POM121C: variants seen among roughly 807,000 people sequenced by gnomAD.
POM121C encodes nuclear envelope pore membrane protein POM 121C.
In POM121C, 20 loss-of-function variants were observed where a neutral mutation model predicts 66.4. The observed-to-expected ratio is 0.30, with a 90% confidence interval of 0.21 to 0.44. The LOEUF is 0.44. POM121C is among the 20% of genes least tolerant of loss of function. The probability of loss-of-function intolerance (pLI) is 1.00; values close to 1 mark genes in which losing one functional copy is unlikely to be tolerated. For synonymous variants in POM121C, 286 were observed against 528.0 expected, an observed-to-expected ratio of 0.54 and a Z score of 6.28; for missense variants, 580 against 1,225.7, an observed-to-expected ratio of 0.47 and a Z score of 7.87.
In POM121C at chr7:75,441,646, C is replaced by T. The variant is rs782801674; in HGVS notation, c.-150G>A. 2.0e-4 allele frequency: 313 copies of T among 1,550,494 alleles called. No individual in the cohort carries two copies. Among genetic ancestry groups the T allele is most frequent in the Non-Finnish European group, 2.5e-4 (292 of 1,145,546 alleles). ...AACCGATCTGGTAAAGTCCCACGAT[C>T]CCTGCAGAGAATGCGAGACAAATCA... On this transcript the variant is annotated splice_region_variant and 5_prime_UTR_variant, in exon 4 of 15. Transcript: ENST00000615331.
intron 3 of POM121C, among the ~76,000 whole-genome samples, chr7:75,473,953 G>A (rs1554479004): frequency 6.6e-6 from 1 of 152,138 alleles, no homozygotes; most frequent in African/African-American, 2.4e-5. Flanking sequence ...CTCCTAAAGT[G>A]CTGGGATTAC....
Position 75,439,334 on chromosome 7 carries a change from C to A in POM121C, c.228-110G>T, listed in dbSNP as rs1790539832. ...ATACTATCTCTATGGAGCACAGATT[C>A]CATGCTAGACCAGAAAATGGTTGTT... On this transcript the variant is annotated intron_variant, in intron 5 of 14. Coordinates refer to ENST00000615331, the MANE Select transcript of POM121C (RefSeq NM_001099415.3). 1.2e-5 allele frequency: 17 copies of A among 1,414,638 alleles called. No individual in the cohort carries two copies. In the South Asian group the frequency reaches 1.7e-4, roughly 14 times the overall value. The allele number at this position is 1,414,638 out of a possible 1,614,324, so 87.6% of individuals were successfully genotyped here. A position where few individuals can be genotyped will look rare whatever the true frequency, so the allele number is the denominator to read the frequency against.
chr7:75,485,807 C>A lies in POM121C; in HGVS notation c.-458+57G>T, dbSNP rs1162668649. 124 of 479,054 alleles carry A rather than the reference C, an allele frequency of 2.6e-4. 1 individual carries two copies. Among genetic ancestry groups the A allele is most frequent in the Non-Finnish European group, 4.5e-4 (109 of 241,976 alleles). The allele number at this position is 479,054 out of a possible 1,614,324, so 29.7% of individuals were successfully genotyped here. A position where few individuals can be genotyped will look rare whatever the true frequency, so the allele number is the denominator to read the frequency against. The stretch of plus-strand genomic sequence containing the variant: ...CTGCCCCACACTCAAAGGTCCCCAA[C>A]ACAAGGTGACTTCACCCAGGCCCTT... On this transcript the variant is annotated intron_variant, in intron 1 of 14. Transcript: ENST00000615331.
chr7:75,447,126 C>G (rs1554474787), intron 3 of POM121C, among the ~76,000 whole-genome samples: 2 of 145,860 alleles, frequency 1.4e-5, no homozygotes, highest in African/African-American at 5.0e-5. Flanking sequence ...AAAACACAGC[C>G]CATAATAACA....
chr7:75,470,794 G>A (rs1482191328), intron 3 of POM121C, among the ~76,000 whole-genome samples: 10 of 151,876 alleles, frequency 6.6e-5, no homozygotes, highest in Non-Finnish European at 1.3e-4. Flanking sequence ...CACCACTTCT[G>A]GCTAATTTTT....
intron 3 of POM121C, among the ~76,000 whole-genome samples, chr7:75,469,906 C>A (rs1791804029): frequency 6.6e-6 from 1 of 152,180 alleles, no homozygotes; most frequent in Non-Finnish European, 1.5e-5. Context: ...CTTCCCACTC[C>A]CAAGGAACTT....
At chr7:75,441,199 G>A (rs1335540143) in intron 4 of POM121C, 84 bp from the exon 5 acceptor site, 24 of 1,574,632 alleles carry the variant, frequency 1.5e-5, no homozygotes, top group Non-Finnish European at 2.1e-5. Context: ...CTAACCAACA[G>A]GCCAAAGTAT....
At chr7:75,421,193 C>G (rs1789692612) in intron 13 of POM121C, 1 of 660,274 alleles carries the variant, frequency 1.5e-6, no homozygotes, top group Non-Finnish European at 2.3e-6. Flanking sequence ...CCAGGCTGGT[C>G]TTGAACTCCT....
intron 3 of POM121C, chr7:75,442,114 A>T: frequency 7.3e-7 from 1 of 1,373,028 alleles, no homozygotes; most frequent in Admixed American, 3.6e-5. Context: ...GCCGAGCCAG[A>T]GGATGATCTG....
intron 3 of POM121C, among the ~76,000 whole-genome samples, chr7:75,471,531 G>A (rs1791877724): frequency 6.6e-6 from 1 of 152,050 alleles, no homozygotes; most frequent in African/African-American, 2.4e-5. Flanking sequence ...CAAAACGGGG[G>A]CAGGGGGAGG....
intron 3 of POM121C, among the ~76,000 whole-genome samples, chr7:75,466,750 GA>G (rs1238974463): frequency 2.0e-4 from 28 of 140,208 alleles, no homozygotes; most frequent in East Asian, 6.2e-4. Context: ...ACTAATCAAA[GA>G]AAAAAAAAAA....
At chr7:75,424,386 C>G (rs1476188523) in intron 11 of POM121C, 140 bp downstream of exon 11, 3 of 1,294,006 alleles carry the variant, frequency 2.3e-6, no homozygotes, top group African/African-American at 3.0e-5. Context: ...ACGGATATCT[C>G]AGGTGAGAAA....
chr7:75,428,446 A>T (rs1790045339), intron 7 of POM121C, among the ~76,000 whole-genome samples: 2 of 152,186 alleles, frequency 1.3e-5, no homozygotes, highest in Admixed American at 1.3e-4. Flanking sequence ...CCACCTGTGG[A>T]ACTTTAAAAG....
chr7:75,442,576 G>C, intron 3 of POM121C: 3 of 1,495,258 alleles, frequency 2.0e-6, no homozygotes, highest in Non-Finnish European at 1.8e-6. Flanking sequence ...CAGCAGGCAC[G>C]AGGTACAGTA....
intron 3 of POM121C, among the ~76,000 whole-genome samples, chr7:75,446,955 C>T (rs1314739108): frequency 1.7e-5 from 2 of 121,018 alleles, no homozygotes; most frequent in African/African-American, 6.4e-5. Flanking sequence ...TTGCAGTTAG[C>T]CGATATGGCG....
rs1397726715 is a variant in POM121C at position 75,441,938 on chromosome 7, G to A, written c.-151-291C>T. 2.2e-4 allele frequency among the ~76,000 whole-genome samples: 29 copies of A among 130,922 alleles called. No homozygotes were observed. The Admixed American group carries it at 2.3e-3, about 10-fold the overall frequency. The allele number at this position is 130,922 out of a possible 152,430, so 85.9% of individuals were successfully genotyped here. ...TTCGGGGAGTTTTTAGAACTGGAAA[G>A]AAGGGAATCGTTTTGGCAACACATC... On this transcript the variant is annotated intron_variant, in intron 3 of 14. Coordinates refer to ENST00000615331, the MANE Select transcript of POM121C (RefSeq NM_001099415.3).
intron 7 of POM121C, among the ~76,000 whole-genome samples, chr7:75,436,594 G>A (rs1284428579): frequency 6.6e-6 from 1 of 152,050 alleles, no homozygotes; most frequent in Admixed American, 6.6e-5. Context: ...TCTCAAAAAC[G>A]TTTCTCCTTA....
intron 3 of POM121C, among the ~76,000 whole-genome samples, chr7:75,452,813 T>A (rs587680676): frequency 3.9e-5 from 6 of 152,262 alleles, no homozygotes; most frequent in African/African-American, 1.4e-4. Flanking sequence ...TAGCCTCTCA[T>A]CTCTTCACCC....
intron 3 of POM121C, among the ~76,000 whole-genome samples, chr7:75,447,865 T>A (rs1402977515): frequency 3.3e-5 from 5 of 151,452 alleles, no homozygotes; most frequent in Non-Finnish European, 5.9e-5. Context: ...CTACTAAAAA[T>A]ACAAAAAAAT....
Sources: gnomAD v4.1 joint callset for allele counts (sites outside exome capture counted in the v4.1 genomes callset) on GRCh38, gnomAD v4.1.1 for gene constraint, MANE v1.5 for transcripts, NCBI Gene and HGNC (gene_info 2026-07-23, HGNC 2026-07-21) for gene names.